NAV2: variants seen among roughly 807,000 people sequenced by gnomAD.
NAV2 encodes the protein neuron navigator 2, also known as helicase, APC down-regulated 1.
A neutral mutation model predicts 223.2 loss-of-function variants in NAV2; 54 were observed. The observed-to-expected ratio is 0.24, with a 90% CI of 0.19 to 0.30. The LOEUF (loss-of-function observed/expected upper bound fraction) is 0.30, where lower values mean the gene tolerates loss of function less well. Ranked by LOEUF, NAV2 falls within the 10% of genes least tolerant of loss-of-function variation. NAV2 has a pLI of 1.00. For synonymous variants in NAV2, 1,279 were observed against 1,239.3 expected, an observed-to-expected ratio of 1.03 and a Z score of -0.67; for missense variants, 2,806 against 3,147.5, an observed-to-expected ratio of 0.89 and a Z score of 2.60.
At chr11:20,046,410 G>T (rs2057434035) in intron 14 of NAV2, among the ~76,000 whole-genome samples, 1 of 151,824 alleles carries the variant, frequency 6.6e-6, no homozygotes, top group African/African-American at 2.4e-5. Flanking sequence ...ACCTAGGTGG[G>T]TAGCTCAGGG....
intron 3 of NAV2, among the ~76,000 whole-genome samples, chr11:19,845,517 G>A (rs996440161): frequency 6.6e-6 from 1 of 152,168 alleles, no homozygotes; most frequent in Non-Finnish European, 1.5e-5. Context: ...CACCTTTAGG[G>A]CCCTTTAATA....
rs533624375 is a variant in NAV2, at chr11:19,855,585, A to G, written c.438+12662A>G. Among the ~76,000 whole-genome samples, 16 of 152,290 alleles carry G rather than the reference A, an allele frequency of 1.1e-4. No homozygotes were observed. The East Asian group carries it at 1.9e-3, about 18-fold the overall frequency. ...GAACCTGTCCACAGTGTCGTCTCGT[A>G]TACTTTCCCCTGAAGGAATATGAAG... On this transcript the variant is annotated intron_variant, in intron 3 of 37. Transcript: ENST00000349880.
At chr11:19,404,397 C>T (rs1417705219) in intron 1 of NAV2, among the ~76,000 whole-genome samples, 1 of 152,208 alleles carries the variant, frequency 6.6e-6, no homozygotes, top group Non-Finnish European at 1.5e-5. Context: ...GAGTTCTCCT[C>T]TCTCCAGCAC....
At chr11:20,080,437 T>TCATGAGA (rs2060020187) in intron 25 of NAV2, among the ~76,000 whole-genome samples, 1 of 152,244 alleles carries the variant, frequency 6.6e-6, no homozygotes, top group South Asian at 2.1e-4. Context: ...TTTTTCTCTT[T>TCATGAGA]CATGAGACTT....
rs2050060237 is a variant in NAV2 at position 19,713,988 on chromosome 11, C to T, written c.267+26C>T. Reference sequence around the variant, plus strand: ...GTGAGAGATGCCGTTTGCCGGGGTACTGTTCTGGAAGGATGGATGAATAGT... The same window carrying T: ...GTGAGAGATGCCGTTTGCCGGGGTATTGTTCTGGAAGGATGGATGAATAGT... On this transcript the variant is annotated intron_variant, in intron 1 of 37. Coordinates refer to ENST00000349880, the MANE Select transcript of NAV2 (RefSeq NM_145117.5). This position sits in a 1 kb window ranked among gnomAD's most constrained non-coding sequence, Gnocchi z 7.2. The T allele has an allele frequency of 6.2e-7, 1 of 1,611,222 alleles. No individual in the cohort carries two copies. The highest frequency in any genetic ancestry group is 2.2e-5 in the East Asian group (1 of 44,846).
intron 1 of NAV2, among the ~76,000 whole-genome samples, chr11:19,728,696 G>C (rs556186067): frequency 1.5e-4 from 23 of 152,346 alleles, no homozygotes; most frequent in African/African-American, 5.3e-4. Context: ...GCAAATGCCT[G>C]GCATGTGAGT....
intron 1 of NAV2, among the ~76,000 whole-genome samples, chr11:19,779,042 G>T (rs2056521826): frequency 6.6e-6 from 1 of 152,216 alleles, no homozygotes; most frequent in Admixed American, 6.5e-5. Flanking sequence ...GCCATGGTAA[G>T]GGCTGGGATG....
intron 1 of NAV2, among the ~76,000 whole-genome samples, chr11:19,659,290 A>C (rs2048209185): frequency 6.6e-6 from 1 of 152,164 alleles, no homozygotes; most frequent in South Asian, 2.1e-4. Flanking sequence ...TGCTGGCAAC[A>C]GGATGGGCAA....
At chr11:19,364,173 CAT>C (rs1379359665) in intron 1 of NAV2, among the ~76,000 whole-genome samples, 1 of 152,178 alleles carries the variant, frequency 6.6e-6, no homozygotes, top group African/African-American at 2.4e-5. Context: ...ACCTCCTTAA[CAT>C]AAACGGAGGT....
chr11:19,799,840 A>G (rs1012054789), intron 1 of NAV2, among the ~76,000 whole-genome samples: 1 of 151,882 alleles, frequency 6.6e-6, no homozygotes, highest in African/African-American at 2.4e-5. Context: ...TATATTCCAC[A>G]TATATTGGTG....
intron 1 of NAV2, among the ~76,000 whole-genome samples, chr11:19,751,274 G>C (rs1020743597): frequency 1.3e-5 from 2 of 152,140 alleles, no homozygotes; most frequent in African/African-American, 4.8e-5. Flanking sequence ...TTCGGAGTCT[G>C]AGCTCTTAAC....
At chr11:19,456,312 C>A (rs1441321617) in intron 1 of NAV2, among the ~76,000 whole-genome samples, 1 of 152,234 alleles carries the variant, frequency 6.6e-6, no homozygotes, top group South Asian at 2.1e-4. Flanking sequence ...ATGATAGATG[C>A]ACAGTCACTG....
intron 1 of NAV2, among the ~76,000 whole-genome samples, chr11:19,439,292 G>C (rs1851318243): frequency 6.6e-6 from 1 of 152,042 alleles, no homozygotes; most frequent in South Asian, 2.1e-4. Flanking sequence ...ATACACACTG[G>C]GGTCTATAAG....
At chr11:19,582,370 T>G (rs1190819314) in intron 1 of NAV2, among the ~76,000 whole-genome samples, 2 of 152,336 alleles carry the variant, frequency 1.3e-5, no homozygotes, top group African/African-American at 2.4e-5. Flanking sequence ...TTTAGTTTAA[T>G]TAGATCCCAT....
At chr11:19,530,842 G>C (rs977594469) in intron 1 of NAV2, among the ~76,000 whole-genome samples, 16 of 152,336 alleles carry the variant, frequency 1.1e-4, no homozygotes, top group Middle Eastern at 3.4e-3. Context: ...AACAGGCTGA[G>C]AGTTTAAATG....
intron 1 of NAV2, among the ~76,000 whole-genome samples, chr11:19,543,900 T>C (rs1050006096): frequency 2.0e-5 from 3 of 152,234 alleles, no homozygotes; most frequent in African/African-American, 7.2e-5. Flanking sequence ...CTGAGGATAA[T>C]CCATCAATTA....
At chr11:19,477,190 G>A (rs966947635) in intron 1 of NAV2, among the ~76,000 whole-genome samples, 8 of 152,134 alleles carry the variant, frequency 5.3e-5, no homozygotes, top group African/African-American at 9.7e-5. Context: ...TGACAGATAA[G>A]CATTGATGAG....
chr11:19,441,429 GACACACACACACACACACGCAC>G, intron 1 of NAV2, among the ~76,000 whole-genome samples: 1 of 141,410 alleles, frequency 7.1e-6, no homozygotes, highest in South Asian at 2.3e-4. Flanking sequence ...AGGACACTGG[GACACACACACACACACACGCAC>G]ACACACACAC....
At chr11:19,692,322 G>A (rs2049200461) in intron 1 of NAV2, among the ~76,000 whole-genome samples, 1 of 152,256 alleles carries the variant, frequency 6.6e-6, no homozygotes, top group Non-Finnish European at 1.5e-5. Context: ...GGAAACCCAG[G>A]TCTGAGAAGC....
Sources: allele counts gnomAD v4.1 joint callset (sites outside exome capture counted in the v4.1 genomes callset), GRCh38; gene constraint gnomAD v4.1.1; non-coding constraint Gnocchi (gnomAD v3.1); transcripts MANE v1.5; gene names NCBI Gene and HGNC (gene_info 2026-07-23, HGNC 2026-07-21).